The following MEIS2 variants were observed in gnomAD, a reference collection of about 807,000 sequenced individuals.
MEIS2 encodes Meis homeobox 2.
MEIS2 carries 9 observed loss-of-function variants against 58.6 expected under a neutral mutation model. The observed-to-expected ratio is 0.15, with a 90% CI of 0.09 to 0.27. The LOEUF (loss-of-function observed/expected upper bound fraction) is 0.27. Among genes scored for constraint, MEIS2 ranks in the 10% least tolerant of loss-of-function variants. MEIS2 has a pLI of 1.00. For missense variants in MEIS2, 427 were observed against 635.0 expected, an observed-to-expected ratio of 0.67 and a Z score of 3.52; for synonymous variants, 221 against 228.4, an observed-to-expected ratio of 0.97 and a Z score of 0.29.
At chr15:37,081,399 CAA>C (rs937826119) in intron 7 of MEIS2, among the ~76,000 whole-genome samples, 3 of 152,174 alleles carry the variant, frequency 2.0e-5, no homozygotes, top group Non-Finnish European at 4.4e-5. Flanking sequence ...CGATTTCAGT[CAA>C]TATCTCTGTT....
intron 1 of MEIS2, chr15:37,098,865 A>G (rs952908496): frequency 1.4e-5 from 14 of 971,892 alleles, no homozygotes; most frequent in Non-Finnish European, 3.7e-6. Context: ...GGGGGCAGGG[A>G]GCGGAGGGTG....
intron 8 of MEIS2, among the ~76,000 whole-genome samples, chr15:37,009,078 A>G: frequency 6.6e-6 from 1 of 152,120 alleles, no homozygotes; most frequent in East Asian, 1.9e-4. Context: ...TCACAAGGTC[A>G]GGAGATAGAG....
At chr15:36,915,300 G>A (rs533892801) in intron 9 of MEIS2, among the ~76,000 whole-genome samples, 35 of 151,980 alleles carry the variant, frequency 2.3e-4, no homozygotes, top group South Asian at 1.7e-3. Context: ...CCTAGAAAAA[G>A]CTTGGATTTC....
chr15:36,998,379 C>T (rs1163913684), intron 8 of MEIS2, among the ~76,000 whole-genome samples: 1 of 151,642 alleles, frequency 6.6e-6, no homozygotes, highest in African/African-American at 2.4e-5. Context: ...CACCACCACA[C>T]CAGGCTAATT....
chr15:36,928,143 G>A (rs753989673), intron 9 of MEIS2, among the ~76,000 whole-genome samples: 4 of 152,184 alleles, frequency 2.6e-5, no homozygotes, highest in East Asian at 1.9e-4. Context: ...AAACAAAAAC[G>A]TTGCATAATA....
chr15:37,020,522 C>T (rs1490808421), intron 8 of MEIS2, among the ~76,000 whole-genome samples: 6 of 152,128 alleles, frequency 3.9e-5, no homozygotes, highest in Non-Finnish European at 8.8e-5. Context: ...CTCCTCTTTC[C>T]TGCCTCCATC....
rs1894862334 is a variant in MEIS2 at position 37,099,659 on chromosome 15, A to G, written c.-193T>C. ...ACAACGAAGAATTTTTTTTTCTGTG[A>G]TATTTCTTCTTTTTCTCTTTTTTCC... On this transcript the variant is annotated 5_prime_UTR_variant, in exon 1 of 12. Coordinates refer to ENST00000561208, the MANE Select transcript of MEIS2 (RefSeq NM_170675.5). 1 of 670,310 alleles carries G rather than the reference A, an allele frequency of 1.5e-6. No homozygotes were observed. Among genetic ancestry groups the G allele is most frequent in the Non-Finnish European group, 2.3e-6 (1 of 426,002 alleles). The allele number at this position is 670,310 out of a possible 1,614,324, so 41.5% of individuals were successfully genotyped here. A position where few individuals can be genotyped will look rare whatever the true frequency, so the allele number is the denominator to read the frequency against.
chr15:36,979,488 T>G (rs1199773253), intron 8 of MEIS2, among the ~76,000 whole-genome samples: 1 of 151,940 alleles, frequency 6.6e-6, no homozygotes, highest in Non-Finnish European at 1.5e-5. Context: ...GAAAATGACA[T>G]CGTATTTTAG....
At chr15:37,048,862 AG>A in intron 7 of MEIS2, among the ~76,000 whole-genome samples, 1 of 152,316 alleles carries the variant, frequency 6.6e-6, no homozygotes, top group East Asian at 1.9e-4. Flanking sequence ...GACTGGTTTT[AG>A]GTGAATACTT....
chr15:37,023,911 C>CTTT (rs35244111), intron 8 of MEIS2, among the ~76,000 whole-genome samples: 10 of 101,512 alleles, frequency 9.9e-5, no homozygotes, highest in East Asian at 3.2e-4. Flanking sequence ...TTTTCTCTCT[C>CTTT]TTTTTTTTTT....
At chr15:36,976,331 G>C (rs554548800) in intron 8 of MEIS2, among the ~76,000 whole-genome samples, 1 of 151,904 alleles carries the variant, frequency 6.6e-6, no homozygotes, top group Non-Finnish European at 1.5e-5. Context: ...TGATTCACCC[G>C]CCTTGGCCTC....
At chr15:36,984,309 T>C (rs1403005911) in intron 8 of MEIS2, among the ~76,000 whole-genome samples, 1 of 152,050 alleles carries the variant, frequency 6.6e-6, no homozygotes, top group African/African-American at 2.4e-5. Flanking sequence ...TATGTCAACA[T>C]ATGTTCCTTC....
At position 36,890,645 on chromosome 15, in the gene MEIS2, C is replaced by T. The variant is rs1259651696; in HGVS notation, c.*1528G>A. On this transcript the variant is annotated 3_prime_UTR_variant, in exon 12 of 12. Coordinates refer to ENST00000561208, the MANE Select transcript of MEIS2 (RefSeq NM_170675.5). ...GGAAAAACACAGGCAGATAAATTAC[C>T]TTTGAGCACAGACATTATTTCTTAT... 6.6e-6 allele frequency: 1 copy of T among 152,078 alleles called. No homozygotes were observed. The highest frequency in any genetic ancestry group is 1.5e-5 in the Non-Finnish European group (1 of 67,992). The allele number at this position is 152,078 out of a possible 1,614,324, so 9.4% of individuals were successfully genotyped here.
chr15:36,921,058 C>G (rs886865845), intron 9 of MEIS2, among the ~76,000 whole-genome samples: 1 of 152,118 alleles, frequency 6.6e-6, no homozygotes, highest in African/African-American at 2.4e-5. Flanking sequence ...CCAAATAAAT[C>G]TAGTAAATTC....
At chr15:37,062,616 C>T (rs1889371266) in intron 7 of MEIS2, among the ~76,000 whole-genome samples, 1 of 152,284 alleles carries the variant, frequency 6.6e-6, no homozygotes, top group African/African-American at 2.4e-5. Flanking sequence ...AATATCCATG[C>T]TCATCCTCTA....
At chr15:36,903,786 T>A (rs2056593990) in intron 9 of MEIS2, among the ~76,000 whole-genome samples, 1 of 152,214 alleles carries the variant, frequency 6.6e-6, no homozygotes, top group Non-Finnish European at 1.5e-5. Flanking sequence ...ACAAATCTAG[T>A]AGCTTTTTAG....
chr15:37,032,272 C>A (rs559023046), intron 8 of MEIS2, among the ~76,000 whole-genome samples: 1 of 152,088 alleles, frequency 6.6e-6, no homozygotes, highest in Non-Finnish European at 1.5e-5. Flanking sequence ...GTTTCTAGTC[C>A]ATGATCAAAT....
At chr15:36,895,389 G>A in intron 10 of MEIS2, 128 bp from the exon 11 acceptor site, 2 of 741,974 alleles carry the variant, frequency 2.7e-6, no homozygotes, top group Admixed American at 2.5e-5. Flanking sequence ...AAATGGGGGT[G>A]TGGTTTGTCT....
intron 8 of MEIS2, among the ~76,000 whole-genome samples, chr15:36,963,741 C>T (rs771949513): frequency 2.4e-4 from 37 of 152,094 alleles, no homozygotes; most frequent in African/African-American, 5.6e-4. Context: ...TCATCCCAGG[C>T]GAGATCTTTA....
Sources: allele counts gnomAD v4.1 joint callset (sites outside exome capture counted in the v4.1 genomes callset), GRCh38; gene constraint gnomAD v4.1.1; transcripts MANE v1.5; gene names NCBI Gene and HGNC (gene_info 2026-07-23, HGNC 2026-07-21).